The following TTLL5 variants were observed in gnomAD, a reference collection of about 807,000 sequenced individuals.
The protein encoded by TTLL5 is tubulin polyglutamylase TTLL5.
TTLL5 carries 132 observed loss-of-function variants against 168.4 expected under a neutral mutation model. The ratio of observed to expected loss-of-function variants is 0.78; its 90% CI spans 0.68 to 0.91. The LOEUF (loss-of-function observed/expected upper bound fraction) is 0.91. TTLL5 is among the 40% of genes least tolerant of loss of function. The probability of loss-of-function intolerance (pLI) is 0.00; values close to 1 mark genes in which losing one functional copy is unlikely to be tolerated. For missense variants in TTLL5, 1,545 were observed against 1,581.5 expected, an observed-to-expected ratio of 0.98 and a Z score of 0.39; for synonymous variants, 546 against 558.6, an observed-to-expected ratio of 0.98 and a Z score of 0.32.
chr14:75,890,965 C>A (rs1732912850), intron 30 of TTLL5, among the ~76,000 whole-genome samples: 1 of 152,152 alleles, frequency 6.6e-6, no homozygotes, highest in South Asian at 2.1e-4. Context: ...ATGACCTGCC[C>A]ACCTCAGCCT....
rs534929833 is a variant in TTLL5, at chr14:75,785,862, A to G, written c.2986+2332A>G. Among the ~76,000 whole-genome samples the G allele has an allele frequency of 2.4e-4, 36 of 152,206 alleles. 1 individual carries two copies. In the South Asian group the frequency reaches 7.5e-3, roughly 32 times the overall value. On this transcript the variant is annotated intron_variant, in intron 26 of 31. Transcript: ENST00000298832. The stretch of plus-strand genomic sequence containing the variant: ...GTTTAGGCTGTTCTGGATCCCTTGC[A>G]TTTTCATATGAATTTTAGGATCAGC...
chr14:75,820,035 T>C lies in TTLL5; in HGVS notation c.3200T>C (p.Ile1067Thr), dbSNP rs1329633330. The C allele has an allele frequency of 1.2e-6, 2 of 1,605,694 alleles. No individual in the cohort carries two copies. The highest frequency in any genetic ancestry group is 2.2e-5 in the South Asian group (2 of 89,652). ...ACAAACCTGAATTTGGCAACTGGCA[T>C]CATAAACAGAAGCAGTGCTTCAGCT... Reference protein sequence around the residue: ...QVTNLNLATGIINRSSASAPP... With the variant: ...QVTNLNLATGTINRSSASAPP... Residue 1067 changes from isoleucine (I) to threonine (T), a missense_variant, in exon 28 of 32, where the codon ATC (isoleucine) becomes ACC (threonine). Coordinates refer to ENST00000298832, the MANE Select transcript of TTLL5 (RefSeq NM_015072.5).
chr14:75,938,202 G>A (rs2034491301), intron 31 of TTLL5, among the ~76,000 whole-genome samples: 2 of 152,240 alleles, frequency 1.3e-5, no homozygotes, highest in South Asian at 2.1e-4. Context: ...GATGATGACT[G>A]AATGTTAAAC....
chr14:75,916,415 GA>G (rs1024202508), intron 31 of TTLL5, among the ~76,000 whole-genome samples: 2 of 152,128 alleles, frequency 1.3e-5, no homozygotes, highest in African/African-American at 2.4e-5. Context: ...GCTGAGGCAG[GA>G]AGACTACTTG....
At chr14:75,813,624 C>T (rs1242845007) in intron 27 of TTLL5, among the ~76,000 whole-genome samples, 2 of 151,840 alleles carry the variant, frequency 1.3e-5, no homozygotes, top group African/African-American at 2.4e-5. Context: ...TGAATTTAGC[C>T]GTCATTAGTA....
chr14:75,698,590 G>GT (rs957563037), intron 6 of TTLL5, among the ~76,000 whole-genome samples: 3 of 152,170 alleles, frequency 2.0e-5, no homozygotes, highest in Non-Finnish European at 4.4e-5. Flanking sequence ...GCCTTATTTT[G>GT]TTTTCATCTT....
intron 9 of TTLL5, among the ~76,000 whole-genome samples, chr14:75,713,427 C>T (rs1346627863): frequency 6.6e-6 from 1 of 152,162 alleles, no homozygotes; most frequent in Non-Finnish European, 1.5e-5. Context: ...TGTGTAAATA[C>T]GCTCTATGAT....
chr14:75,773,760 C>T (rs930179159), intron 21 of TTLL5, among the ~76,000 whole-genome samples: 14 of 150,766 alleles, frequency 9.3e-5, no homozygotes, highest in East Asian at 2.0e-4. Context: ...TGTGGTAGTG[C>T]GCACCTATAG....
intron 2 of TTLL5, among the ~76,000 whole-genome samples, chr14:75,667,516 A>G (rs964748222): frequency 6.6e-6 from 1 of 152,222 alleles, no homozygotes; most frequent in Non-Finnish European, 1.5e-5. Flanking sequence ...CCTTCCTGCT[A>G]AAAAAGGTAC....
At chr14:75,700,677 C>CT (rs946611870) in intron 7 of TTLL5, among the ~76,000 whole-genome samples, 66 of 152,278 alleles carry the variant, frequency 4.3e-4, no homozygotes, top group African/African-American at 1.5e-3. Flanking sequence ...TCCACGTGTA[C>CT]TTTACTTCCT....
At chr14:75,945,983 T>C (rs781406031) in intron 31 of TTLL5, among the ~76,000 whole-genome samples, 8 of 152,202 alleles carry the variant, frequency 5.3e-5, no homozygotes, top group Non-Finnish European at 1.2e-4. Flanking sequence ...ATAAATGTAT[T>C]CTAAGCAAAA....
At chr14:75,836,064 C>T (rs1895849947) in intron 28 of TTLL5, among the ~76,000 whole-genome samples, 1 of 152,280 alleles carries the variant, frequency 6.6e-6, no homozygotes, top group Middle Eastern at 3.4e-3. Flanking sequence ...GAAGGGAAAG[C>T]AGTATATTGA....
intron 17 of TTLL5, among the ~76,000 whole-genome samples, chr14:75,748,537 G>A (rs543430800): frequency 3.2e-4 from 49 of 152,166 alleles, no homozygotes; most frequent in Non-Finnish European, 5.7e-4. Flanking sequence ...TCTAGGAGTG[G>A]AATTACTGGG....
At chr14:75,914,786 GCTAA>G (rs1387889108) in intron 31 of TTLL5, among the ~76,000 whole-genome samples, 2 of 151,986 alleles carry the variant, frequency 1.3e-5, no homozygotes, top group Non-Finnish European at 1.5e-5. Context: ...ACCATGCCTG[GCTAA>G]TTTTTTGTAT....
At chr14:75,819,610 T>C (rs976894064) in intron 27 of TTLL5, among the ~76,000 whole-genome samples, 5 of 152,248 alleles carry the variant, frequency 3.3e-5, no homozygotes, top group African/African-American at 1.2e-4. Context: ...TATAATAATG[T>C]TATTTATAAC....
chr14:75,819,410 T>C (rs932388605), intron 27 of TTLL5, among the ~76,000 whole-genome samples: 1 of 152,246 alleles, frequency 6.6e-6, no homozygotes, highest in African/African-American at 2.4e-5. Flanking sequence ...AAATGATGTC[T>C]TGTAACTTGC....
intron 29 of TTLL5, among the ~76,000 whole-genome samples, chr14:75,873,052 A>G (rs1488032502): frequency 6.6e-6 from 1 of 150,414 alleles, no homozygotes; most frequent in Non-Finnish European, 1.5e-5. Context: ...CTATATGCAT[A>G]CTGTACCACA....
intron 29 of TTLL5, among the ~76,000 whole-genome samples, chr14:75,868,019 G>T (rs2030676687): frequency 6.6e-6 from 1 of 152,192 alleles, no homozygotes; most frequent in Admixed American, 6.5e-5. Flanking sequence ...CCATGCTGGG[G>T]TCTGTGAGGA....
rs781617968 is a variant in TTLL5 at position 75,707,058 on chromosome 14, G to A, written c.626G>A (p.Arg209His). The A allele has an allele frequency of 1.4e-5, 23 of 1,612,602 alleles. No homozygotes were observed. Among genetic ancestry groups the A allele is most frequent in the East Asian group, 8.9e-5 (4 of 44,796 alleles). Reference protein sequence around the residue: ...ISLEENILVSRYINNPLLIDD... With the variant: ...ISLEENILVSHYINNPLLIDD... Reference sequence around the variant, plus strand: ...CTGGAAGAGAACATTTTGGTCTCCCGTTACATTAACAACCCCCTGCTCATA... The same window carrying A: ...CTGGAAGAGAACATTTTGGTCTCCCATTACATTAACAACCCCCTGCTCATA... The change falls in exon 8 of 32, where the codon CGT (arginine) becomes CAT (histidine). Residue 209 changes from arginine to histidine, a missense_variant. Physicochemically the swap from Arg to His is conservative, Grantham distance 29. Coordinates refer to ENST00000298832, the MANE Select transcript of TTLL5 (RefSeq NM_015072.5).
Sources: gnomAD v4.1 joint callset for allele counts (sites outside exome capture counted in the v4.1 genomes callset) on GRCh38, gnomAD v4.1.1 for gene constraint, MANE v1.5 for transcripts, NCBI Gene and HGNC (gene_info 2026-07-23, HGNC 2026-07-21) for gene names.